The following ARHGEF6 variants were observed in gnomAD, a reference collection of about 807,000 sequenced individuals.
The protein encoded by ARHGEF6 is Rac/Cdc42 guanine nucleotide exchange factor 6.
A neutral mutation model predicts 70.3 loss-of-function variants in ARHGEF6; 9 were observed. The ratio of observed to expected loss-of-function variants is 0.13; its 90% confidence interval spans 0.08 to 0.22. The LOEUF is 0.22. Ranked by LOEUF, ARHGEF6 falls within the 10% of genes least tolerant of loss-of-function variation. ARHGEF6 has a pLI of 1.00. For synonymous variants in ARHGEF6, 201 were observed against 207.8 expected (o/e 0.97, Z 0.28); for missense variants, 470 against 563.0 (o/e 0.83, Z 1.67).
chrX:136,760,258 C>T (rs768317770), intron 2 of ARHGEF6, among the ~76,000 whole-genome samples: 2 of 112,637 alleles, frequency 1.8e-5, no homozygotes, highest in Admixed American at 9.4e-5. Flanking sequence ...TCTGCATTTC[C>T]TCTTGGTACT....
intron 21 of ARHGEF6, 125 bp downstream of exon 21, chrX:136,669,357 A>C (rs760286617): frequency 8.8e-5 from 52 of 588,564 alleles, no homozygotes; most frequent in Non-Finnish European, 1.5e-4. Context: ...CCTTGATGAC[A>C]CAAGGAAAAC....
At chrX:136,706,043 T>C (rs1033133709) in intron 9 of ARHGEF6, among the ~76,000 whole-genome samples, 1 of 112,103 alleles carries the variant, frequency 8.9e-6, no homozygotes, top group African/African-American at 3.2e-5. Flanking sequence ...CTCTATATGT[T>C]GGACTTGCTT....
At chrX:136,755,417 T>G (rs192101228) in intron 2 of ARHGEF6, among the ~76,000 whole-genome samples, 1 of 111,680 alleles carries the variant, frequency 9.0e-6, no homozygotes, top group Non-Finnish European at 1.9e-5. Flanking sequence ...TCCGTGCCTG[T>G]TTAACAATCC....
chrX:136,780,617 A>G, intron 1 of ARHGEF6, 101 bp downstream of exon 1: 1 of 748,445 alleles, frequency 1.3e-6, no homozygotes, highest in South Asian at 2.2e-5. Flanking sequence ...ATATTAAAGT[A>G]GGAGATTCCC....
intron 6 of ARHGEF6, among the ~76,000 whole-genome samples, chrX:136,719,066 A>C (rs1385901318): frequency 9.2e-6 from 1 of 108,628 alleles, no homozygotes; most frequent in Non-Finnish European, 1.9e-5. Context: ...GAAATAGATA[A>C]ATTTATTGTA....
intron 2 of ARHGEF6, chrX:136,767,084 C>A: frequency 1.3e-6 from 1 of 750,669 alleles, no homozygotes; most frequent in Non-Finnish European, 1.6e-6. Context: ...CCTTCGGCAC[C>A]CACCCCCGGG....
intron 6 of ARHGEF6, among the ~76,000 whole-genome samples, chrX:136,726,116 A>G (rs778639627): frequency 8.9e-6 from 1 of 112,338 alleles, no homozygotes; most frequent in South Asian, 3.7e-4. Flanking sequence ...CATTATAGGA[A>G]TTCTGAGATA....
intron 20 of ARHGEF6, among the ~76,000 whole-genome samples, chrX:136,670,626 G>A (rs933554924): frequency 1.8e-5 from 2 of 110,966 alleles, no homozygotes; most frequent in African/African-American, 6.6e-5. Flanking sequence ...TTAGGAGTTC[G>A]ACGTTTTCAA....
At chrX:136,761,901 C>T (rs1282415300) in intron 2 of ARHGEF6, among the ~76,000 whole-genome samples, 1 of 110,685 alleles carries the variant, frequency 9.0e-6, no homozygotes, top group Non-Finnish European at 1.9e-5. Flanking sequence ...GTTTACCCTT[C>T]CATTTTTTTT....
At chrX:136,719,453 G>C (rs1393842177) in intron 6 of ARHGEF6, among the ~76,000 whole-genome samples, 1 of 111,565 alleles carries the variant, frequency 9.0e-6, no homozygotes, top group Non-Finnish European at 1.9e-5. Context: ...AAAATATTTT[G>C]AACTAAATGG....
Position 136,681,455 on chromosome X carries a change from A to C in ARHGEF6, c.1558+435T>G, listed in dbSNP as rs779169407. On this transcript the variant is annotated intron_variant, in intron 14 of 21. Transcript: ENST00000250617. ...ATTACTGAAGCCTGGCATTATGCTC[A>C]ATTTGTGAAGAAAATTTGATGGCTT... is the stretch of plus-strand genomic sequence containing the variant. Among the ~76,000 whole-genome samples, 8 of 112,462 alleles carry C rather than the reference A, an allele frequency of 7.1e-5. No homozygotes were observed. In the East Asian group the frequency reaches 8.3e-4, roughly 12 times the overall value.
intron 5 of ARHGEF6, among the ~76,000 whole-genome samples, chrX:136,733,399 T>C (rs2076955413): frequency 9.0e-6 from 1 of 111,193 alleles, no homozygotes; most frequent in South Asian, 3.7e-4. Flanking sequence ...ATTTAAAATA[T>C]AGAATAGAAA....
intron 13 of ARHGEF6, 46 bp from the exon 14 acceptor site, chrX:136,682,014 C>G: frequency 9.5e-7 from 1 of 1,049,874 alleles, no homozygotes; most frequent in South Asian, 1.9e-5. Context: ...TTATACAGGT[C>G]TCTGTTTATT....
chrX:136,684,175 A>C (rs111880448), intron 12 of ARHGEF6, among the ~76,000 whole-genome samples: 14 of 111,982 alleles, frequency 1.3e-4, no homozygotes, highest in African/African-American at 4.5e-4. Context: ...AGCAGTCAGC[A>C]CACTGGCCAT....
chrX:136,751,741 G>A (rs1192446263), intron 2 of ARHGEF6, among the ~76,000 whole-genome samples: 6 of 111,387 alleles, frequency 5.4e-5, no homozygotes, highest in Non-Finnish European at 3.8e-5. Context: ...GCCCTCACCA[G>A]GATACTAAAT....
rs766688652 is a variant in ARHGEF6, at chrX:136,678,395, C to T, written c.1831-439G>A. Among the ~76,000 whole-genome samples, 88 of 111,927 alleles carry T rather than the reference C, an allele frequency of 7.9e-4. 1 individual carries two copies. Among genetic ancestry groups the T allele is most frequent in the African/African-American group, 2.7e-3 (84 of 30,835 alleles). ...CCTAGGTAACTATCAAGTGGCACTC[C>T]TGGTTTACATAATCAAAGAAGAAAA... On this transcript the variant is annotated intron_variant, in intron 16 of 21. Transcript: ENST00000250617.
chrX:136,779,877 T>C (rs1482372181), intron 1 of ARHGEF6, among the ~76,000 whole-genome samples: 1 of 111,953 alleles, frequency 8.9e-6, no homozygotes, highest in Non-Finnish European at 1.9e-5. Flanking sequence ...TAAAATTCTA[T>C]TTCCCCTCTA....
intron 18 of ARHGEF6, 53 bp from the exon 19 acceptor site, chrX:136,675,149 C>G (rs2148570887): frequency 2.0e-6 from 2 of 1,018,776 alleles, no homozygotes; most frequent in East Asian, 6.1e-5. Flanking sequence ...TTTGGACCCT[C>G]AAAATGATGC....
chrX:136,670,218 A>G (rs2076209681), intron 20 of ARHGEF6, among the ~76,000 whole-genome samples: 5 of 112,319 alleles, frequency 4.5e-5, no homozygotes, highest in Admixed American at 2.8e-4. Flanking sequence ...TACAATGTAA[A>G]TGCTATGCAA....
Sources: gnomAD v4.1 joint callset for allele counts (sites outside exome capture counted in the v4.1 genomes callset) on GRCh38, gnomAD v4.1.1 for gene constraint, MANE v1.5 for transcripts, NCBI Gene and HGNC (gene_info 2026-07-23, HGNC 2026-07-21) for gene names.